Variants in NUP210L observed in about 807,000 individuals in gnomAD.
The protein encoded by NUP210L is nuclear pore membrane glycoprotein 210-like.
NUP210L carries 74 observed loss-of-function variants against 208.5 expected under a neutral mutation model. The observed-to-expected ratio is 0.35, with a 90% CI of 0.29 to 0.43. NUP210L has a LOEUF of 0.43. Among genes scored for constraint, NUP210L ranks in the 20% least tolerant of loss-of-function variants. The probability of loss-of-function intolerance (pLI) is 1.00; values close to 1 mark genes in which losing one functional copy is unlikely to be tolerated. For missense variants in NUP210L, 1,843 were observed against 2,289.4 expected (o/e 0.81, Z 3.98); for synonymous variants, 780 against 816.9 (o/e 0.95, Z 0.77).
At chr1:154,095,648 G>C (rs1656142297) in intron 14 of NUP210L, among the ~76,000 whole-genome samples, 1 of 152,138 alleles carries the variant, frequency 6.6e-6, no homozygotes, top group African/African-American at 2.4e-5. Context: ...ATAAATAACT[G>C]CATAAGCATT....
At position 154,062,039 on chromosome 1, in the gene NUP210L, G is replaced by A. The variant is rs898283795; in HGVS notation, c.2555-365C>T. The stretch of plus-strand genomic sequence containing the variant: ...GATGGGGTTTCACTATGTTGGCCAG[G>A]CTGGTCTCGAATTCCTGACCTCGTG... On this transcript the variant is annotated intron_variant, in intron 17 of 39. Coordinates refer to ENST00000368559, the Ensembl canonical transcript of NUP210L. 3.2e-4 allele frequency among the ~76,000 whole-genome samples: 48 copies of A among 152,134 alleles called. 1 individual carries two copies. Among genetic ancestry groups the A allele is most frequent in the Admixed American group, 3.0e-3 (46 of 15,264 alleles).
chr1:154,081,018 G>A (rs1165070197), intron 16 of NUP210L, among the ~76,000 whole-genome samples: 3 of 148,514 alleles, frequency 2.0e-5, no homozygotes, highest in South Asian at 2.2e-4. Context: ...AGAAAAAGAA[G>A]GAAGAAATGG....
chr1:154,069,159 C>G (rs1654574083), intron 17 of NUP210L, among the ~76,000 whole-genome samples: 2 of 152,062 alleles, frequency 1.3e-5, no homozygotes, highest in Non-Finnish European at 2.9e-5. Context: ...GACTAAAACA[C>G]CAAAAGCAAT....
At chr1:154,026,050 C>T (rs1651858502) in intron 29 of NUP210L, among the ~76,000 whole-genome samples, 1 of 151,584 alleles carries the variant, frequency 6.6e-6, no homozygotes, top group East Asian at 1.9e-4. Flanking sequence ...TGGTGAAACC[C>T]CGTCTTTACT....
intron 16 of NUP210L, among the ~76,000 whole-genome samples, chr1:154,084,001 G>A (rs943893087): frequency 2.0e-5 from 3 of 150,884 alleles, no homozygotes; most frequent in East Asian, 2.0e-4. Flanking sequence ...TCTCAACAGG[G>A]TGGTAAACCC....
intron 35 of NUP210L, among the ~76,000 whole-genome samples, chr1:154,006,816 C>CCA (rs1650551671): frequency 9.5e-6 from 1 of 104,802 alleles, no homozygotes; most frequent in African/African-American, 4.3e-5. Flanking sequence ...TCTTACCATG[C>CCA]CATATATATA....
intron 10 of NUP210L, 45 bp from the exon 11 acceptor site, chr1:154,118,853 A>AG: frequency 6.6e-6 from 8 of 1,211,508 alleles, no homozygotes; most frequent in Non-Finnish European, 8.2e-6. Flanking sequence ...TATAAGGACT[A>AG]TTCTTATAAT....
intron 22 of NUP210L, among the ~76,000 whole-genome samples, chr1:154,057,199 G>C (rs1192332875): frequency 1.3e-5 from 2 of 151,826 alleles, no homozygotes; most frequent in Non-Finnish European, 1.5e-5. Flanking sequence ...GGCTGGTCTT[G>C]AATTTTGGAT....
chr1:154,031,677 C>T (rs1652233576), intron 27 of NUP210L, among the ~76,000 whole-genome samples: 3 of 151,594 alleles, frequency 2.0e-5, no homozygotes. Context: ...CATAGTGTCT[C>T]CAATTCCATC....
intron 27 of NUP210L, among the ~76,000 whole-genome samples, chr1:154,043,595 G>A (rs1388527808): frequency 6.8e-6 from 1 of 146,394 alleles, no homozygotes; most frequent in Non-Finnish European, 1.5e-5. Context: ...GTGAGCCACT[G>A]TGTAATTACA....
intron 32 of NUP210L, among the ~76,000 whole-genome samples, chr1:154,021,011 G>A (rs570805990): frequency 1.9e-3 from 291 of 151,460 alleles, no homozygotes; most frequent in African/African-American, 6.8e-3. Flanking sequence ...GCACGATCTC[G>A]GCTCACTGCA....
At chr1:154,135,113 A>C (rs546674843) in intron 7 of NUP210L, among the ~76,000 whole-genome samples, 1 of 152,320 alleles carries the variant, frequency 6.6e-6, no homozygotes, top group African/African-American at 2.4e-5. Flanking sequence ...AACACAATAA[A>C]AATATTAGTT....
At chr1:154,132,909 G>A (rs139632883) in intron 7 of NUP210L, among the ~76,000 whole-genome samples, 3 of 152,308 alleles carry the variant, frequency 2.0e-5, no homozygotes, top group Non-Finnish European at 4.4e-5. Context: ...TTTCAAGTCT[G>A]ATAGAATTTT....
chr1:154,085,967 T>C (rs1655602722), intron 16 of NUP210L, among the ~76,000 whole-genome samples: 1 of 151,984 alleles, frequency 6.6e-6, no homozygotes, highest in Non-Finnish European at 1.5e-5. Flanking sequence ...ATCCCAGCAC[T>C]TTGGGAGGCC....
intron 27 of NUP210L, among the ~76,000 whole-genome samples, chr1:154,036,153 G>T (rs1198955527): frequency 6.6e-6 from 1 of 151,898 alleles, no homozygotes; most frequent in African/African-American, 2.4e-5. Flanking sequence ...GGTCATTCAG[G>T]AGCATATTGT....
intron 32 of NUP210L, among the ~76,000 whole-genome samples, chr1:154,020,071 T>A (rs1234561772): frequency 6.6e-6 from 1 of 152,242 alleles, no homozygotes; most frequent in Non-Finnish European, 1.5e-5. Flanking sequence ...ATGTTGGTAG[T>A]GGTTGTTTGC....
At position 153,994,238 on chromosome 1, in the gene NUP210L, T is replaced by G. The variant is rs554670136; in HGVS notation, c.5491+838A>C. On this transcript the variant is annotated intron_variant, in intron 38 of 39. Transcript: ENST00000368559. ...TTTCAGCAAAAGTAGCTGTTATACCTCAAGATTTAGTAGTGGTTTCCACTT... is the reference window on the plus strand; with the variant it reads ...TTTCAGCAAAAGTAGCTGTTATACCGCAAGATTTAGTAGTGGTTTCCACTT... Among the ~76,000 whole-genome samples the G allele has an allele frequency of 2.0e-5, 3 of 152,302 alleles. No homozygotes were observed. The South Asian group carries it at 6.2e-4, about 32-fold the overall frequency.
intron 35 of NUP210L, among the ~76,000 whole-genome samples, chr1:154,004,099 C>T (rs1234345243): frequency 2.7e-5 from 4 of 146,022 alleles, no homozygotes; most frequent in South Asian, 2.2e-4. Context: ...GATGGAGTCT[C>T]ACTCTGTTGC....
chr1:154,089,318 G>A, intron 16 of NUP210L, 103 bp downstream of exon 16: 1 of 909,706 alleles, frequency 1.1e-6, no homozygotes, highest in Non-Finnish European at 1.7e-6. Flanking sequence ...ATATGATCTG[G>A]CAATTCTACT....
Sources: gnomAD v4.1 joint callset for allele counts (sites outside exome capture counted in the v4.1 genomes callset) on GRCh38, gnomAD v4.1.1 for gene constraint, MANE v1.5 for transcripts, NCBI Gene and HGNC (gene_info 2026-07-23, HGNC 2026-07-21) for gene names.